Variants in PTPN7 observed in about 807,000 individuals in gnomAD.
PTPN7 encodes tyrosine-protein phosphatase non-receptor type 7.
A neutral mutation model predicts 50.3 loss-of-function variants in PTPN7; 33 were observed. That is an observed-to-expected ratio of 0.66 (90% CI 0.50 to 0.88). The LOEUF is 0.88. Ranked by LOEUF, PTPN7 falls within the 40% of genes least tolerant of loss-of-function variation. The pLI is 0.00. For missense variants in PTPN7, 412 were observed against 475.4 expected (o/e 0.87, Z 1.24); for synonymous variants, 185 against 186.6 (o/e 0.99, Z 0.07).
rs1240421988 is a variant in PTPN7 at position 202,160,513 on chromosome 1, C to T, written c.-53+32G>A. On this transcript the variant is annotated intron_variant, in intron 1 of 9. Transcript: ENST00000691036. The surrounding 1 kb of genome is among the most constrained non-coding windows in gnomAD (Gnocchi z 4.8). ...CCGGAGTTCGCACCCCCCGGGGCCA[C>T]AGGACTCCCAGTCCCCCCTTCAGAT... is the stretch of plus-strand genomic sequence containing the variant. 4 of 1,529,950 alleles carry T rather than the reference C, an allele frequency of 2.6e-6. No homozygotes were observed. The highest frequency in any genetic ancestry group is 3.5e-6 in the Non-Finnish European group (4 of 1,131,804). 94.8% of individuals were successfully genotyped at this position (1,529,950 alleles called of 1,614,324 possible).
rs1557977981 is a variant in PTPN7 at position 202,158,124 on chromosome 1, T to A, written c.300A>T (p.Glu100Asp). ...QPPSPKQLEE[E>D]FLKIPSNFVS... ...GGGGACCCCAATTTCTTACCAAGAA[T>A]TCTTCTTCCAGTTGCTTGGGGCTGG... Residue 100 changes from glutamate to aspartate, a missense_variant, in exon 3 of 10, where the codon GAA (glutamate) becomes GAT (aspartate). Glu to Asp is a conservative substitution (Grantham distance 45). Coordinates refer to ENST00000691036, the MANE Select transcript of PTPN7 (RefSeq NM_002832.4). The A allele has an allele frequency of 6.9e-6, 11 of 1,591,746 alleles. No homozygotes were observed. The highest frequency in any genetic ancestry group is 9.4e-6 in the Non-Finnish European group (11 of 1,169,776).
At chr1:202,155,737 C>G in intron 4 of PTPN7, 128 bp from the exon 5 acceptor site, 1 of 744,274 alleles carries the variant, frequency 1.3e-6, no homozygotes. Flanking sequence ...TAGCAGGTGG[C>G]CTTACACCCA....
chr1:202,150,803 A>G (rs1655923876), intron 8 of PTPN7, among the ~76,000 whole-genome samples: 1 of 151,976 alleles, frequency 6.6e-6, no homozygotes, highest in Admixed American at 6.6e-5. Flanking sequence ...ACTTCCTCTC[A>G]GCTCAGACTC....
At chr1:202,153,652 GAGC>G in intron 7 of PTPN7, 70 bp downstream of exon 7, 1 of 1,246,596 alleles carries the variant, frequency 8.0e-7, no homozygotes, top group South Asian at 1.2e-5. Context: ...TCCTAGTGAA[GAGC>G]CAGCCTGAGT....
chr1:202,149,516 G>T (rs1256503017), intron 9 of PTPN7, among the ~76,000 whole-genome samples: 1 of 152,168 alleles, frequency 6.6e-6, no homozygotes, highest in Non-Finnish European at 1.5e-5. Context: ...AGAAGTGGGG[G>T]CTGGGCACAG....
upstream of PTPN7, chr1:202,161,088 C>T: frequency 7.4e-7 from 1 of 1,350,648 alleles, no homozygotes; most frequent in Admixed American, 3.2e-5. Context: ...AATTCATGGC[C>T]AAGCACAGAC....
Position 202,159,800 on chromosome 1 carries a change from TGTGTTCTCTA to T in PTPN7, c.-52-356_-52-347del, listed in dbSNP as rs377217914. 3.7e-4 allele frequency: 443 copies of T among 1,194,920 alleles called. 2 individuals are homozygous for T. The African/African-American group carries it at 5.5e-3, about 15-fold the overall frequency. 74.0% of individuals were successfully genotyped at this position (1,194,920 alleles called of 1,614,324 possible). Reference sequence around the variant, plus strand: ...AAGGCAAGGGAGGAAACAGAAAATATGTGTTCTCTAGGACGGAAGGGAGAAAGCACGCAGA... The same window carrying T: ...AAGGCAAGGGAGGAAACAGAAAATATGGACGGAAGGGAGAAAGCACGCAGA... On this transcript the variant is annotated intron_variant, in intron 1 of 9. Transcript: ENST00000691036. This position sits in a 1 kb window ranked among gnomAD's most constrained non-coding sequence, Gnocchi z 4.6.
Position 202,159,588 on chromosome 1 carries a change from A to G in PTPN7, c.-52-134T>C. The G allele has an allele frequency of 6.7e-7, 1 of 1,488,208 alleles. No individual in the cohort carries two copies. The highest frequency in any genetic ancestry group is 8.9e-7 in the Non-Finnish European group (1 of 1,123,206). 92.2% of individuals were successfully genotyped at this position (1,488,208 alleles called of 1,614,324 possible). On this transcript the variant is annotated intron_variant, in intron 1 of 9. Coordinates refer to ENST00000691036, the MANE Select transcript of PTPN7 (RefSeq NM_002832.4). This position sits in a 1 kb window ranked among gnomAD's most constrained non-coding sequence, Gnocchi z 4.6. Reference sequence around the variant, plus strand: ...TTCCCCAAGAGGTGGCCTCATTTTCACTAAGGGAAGGACAGGATCTATTTG... The same window carrying G: ...TTCCCCAAGAGGTGGCCTCATTTTCGCTAAGGGAAGGACAGGATCTATTTG...
intron 5 of PTPN7, 33 bp from the exon 6 acceptor site, chr1:202,154,356 G>A: frequency 1.9e-6 from 3 of 1,589,674 alleles, no homozygotes; most frequent in Non-Finnish European, 2.6e-6. Flanking sequence ...AAGGGGTGGG[G>A]AGCAGTGAGA....
chr1:202,159,022 C>T lies in PTPN7; in HGVS notation c.122+259G>A. 2.0e-6 allele frequency: 1 copy of T among 492,882 alleles called. No homozygotes were observed. Among genetic ancestry groups the T allele is most frequent in the South Asian group, 2.6e-5 (1 of 38,282 alleles). The allele number at this position is 492,882 out of a possible 1,614,324, so 30.5% of individuals were successfully genotyped here. A position where few individuals can be genotyped will look rare whatever the true frequency, so the allele number is the denominator to read the frequency against. On this transcript the variant is annotated intron_variant, in intron 2 of 9. Coordinates refer to ENST00000691036, the MANE Select transcript of PTPN7 (RefSeq NM_002832.4). The surrounding 1 kb of genome is among the most constrained non-coding windows in gnomAD (Gnocchi z 4.6). Reference sequence around the variant, plus strand: ...CCACTCCCAGCCAGGCCCTGTGGCTCCGACATGCATCCAGCACCAAGAAGG... The same window carrying T: ...CCACTCCCAGCCAGGCCCTGTGGCTTCGACATGCATCCAGCACCAAGAAGG...
In PTPN7 at chr1:202,157,723, C is replaced by T; in HGVS notation, c.391+16G>A. The T allele has an allele frequency of 3.1e-6, 5 of 1,605,550 alleles. No homozygotes were observed. Among genetic ancestry groups the T allele is most frequent in the Non-Finnish European group, 4.3e-6 (5 of 1,172,200 alleles). Reference sequence around the variant, plus strand: ...GGACTGTACCCGACTCCCTTCATCCCAGCAGCAGTTCTTACTTGGCAAGAT... The same window carrying T: ...GGACTGTACCCGACTCCCTTCATCCTAGCAGCAGTTCTTACTTGGCAAGAT... On this transcript the variant is annotated intron_variant, in intron 4 of 9. Coordinates refer to ENST00000691036, the MANE Select transcript of PTPN7 (RefSeq NM_002832.4).
chr1:202,160,615 T>C (rs746835166), upstream of PTPN7: 1 of 1,550,582 alleles, frequency 6.4e-7, no homozygotes. This position sits in a 1 kb window ranked among gnomAD's most constrained non-coding sequence, Gnocchi z 4.8. Flanking sequence ...CTTTGAGGGC[T>C]GAGAAGGCTC....
At chr1:202,152,201 G>A (rs1160526086) in intron 8 of PTPN7, among the ~76,000 whole-genome samples, 1 of 152,196 alleles carries the variant, frequency 6.6e-6, no homozygotes, top group East Asian at 1.9e-4. Flanking sequence ...GTGAACCACC[G>A]TGCCCGGCCA....
In PTPN7 at chr1:202,159,313, C is replaced by A; in HGVS notation, c.90G>T (p.Thr30=). 2 of 1,614,156 alleles carry A rather than the reference C, an allele frequency of 1.2e-6. No individual in the cohort carries two copies. The highest frequency in any genetic ancestry group is 1.7e-6 in the Non-Finnish European group (2 of 1,180,020). Residue 30 remains threonine (T), a synonymous_variant, in exon 2 of 10, where the codon ACG becomes ACT. Transcript: ENST00000691036. This position sits in a 1 kb window ranked among gnomAD's most constrained non-coding sequence, Gnocchi z 4.6. ...GCAGTCGCACATGCTTCTTGGCTGG[C>A]GTTTTTTCAGGCGGAGGCTGGGTCA... ...AAMTQPPPEK[T]PAKKHVRLQE...
intron 8 of PTPN7, 110 bp from the exon 9 acceptor site, chr1:202,150,534 G>A (rs976927239): frequency 2.4e-6 from 2 of 820,166 alleles, no homozygotes; most frequent in African/African-American, 3.4e-5. Flanking sequence ...TATATTTTGG[G>A]GATAGGGCTC....
chr1:202,147,080 C>A lies in PTPN7; in HGVS notation c.*1526G>T. The A allele has an allele frequency of 6.6e-6, 1 of 152,154 alleles. No homozygotes were observed. Among genetic ancestry groups the A allele is most frequent in the Non-Finnish European group, 1.5e-5 (1 of 68,058 alleles). The allele number at this position is 152,154 out of a possible 1,614,324, so 9.4% of individuals were successfully genotyped here. A position where few individuals can be genotyped will look rare whatever the true frequency, so the allele number is the denominator to read the frequency against. Reference sequence around the variant, plus strand: ...TGTTCTGGAGCTTGTACCCTCTGAGCTCTGAGATGGGGTTGGGGGGACAGT... The same window carrying A: ...TGTTCTGGAGCTTGTACCCTCTGAGATCTGAGATGGGGTTGGGGGGACAGT... On this transcript the variant is annotated 3_prime_UTR_variant, in exon 10 of 10. Coordinates refer to ENST00000691036, the MANE Select transcript of PTPN7 (RefSeq NM_002832.4).
At chr1:202,149,829 G>GTTTTTTTTTTT (rs67499965) in intron 9 of PTPN7, 1 of 92,914 alleles carries the variant, frequency 1.1e-5, no homozygotes, top group Non-Finnish European at 2.1e-5. Context: ...TCTTTTTTTT[G>GTTTTTTTTTTT]TTTTTTTTTT....
chr1:202,148,614 TG>T lies in PTPN7; in HGVS notation c.1074del (p.Ser359AlafsTer45). 1 of 1,613,914 alleles carries T rather than the reference TG, an allele frequency of 6.2e-7. No individual in the cohort carries two copies. On this transcript the variant is annotated frameshift_variant, in exon 10 of 10. Coordinates refer to ENST00000691036, the MANE Select transcript of PTPN7 (RefSeq NM_002832.4). LOFTEE classifies it high-confidence loss of function. ...ALYAGQLPEE[P>X]SP ...CCGGAGGGTGGCAGGGGTCAGGGGC[TG>T]GGTTCCTCAGGCAGCTGGCCTGCAT... is the stretch of plus-strand genomic sequence containing the variant.
chr1:202,152,471 C>A, intron 8 of PTPN7, 71 bp downstream of exon 8: 1 of 1,543,398 alleles, frequency 6.5e-7, no homozygotes, highest in Non-Finnish European at 8.8e-7. Context: ...CAGACCCTTC[C>A]CCAGGAGAGA....
Sources: allele counts gnomAD v4.1 joint callset (sites outside exome capture counted in the v4.1 genomes callset), GRCh38; gene constraint gnomAD v4.1.1; non-coding constraint Gnocchi (gnomAD v3.1); transcripts MANE v1.5; gene names NCBI Gene and HGNC (gene_info 2026-07-23, HGNC 2026-07-21).